The following ANO5 variants were observed in gnomAD, a reference collection of about 807,000 sequenced individuals.
The protein encoded by ANO5 is anoctamin 5, also known as anoctamin-5.
ANO5 carries 109 observed loss-of-function variants against 121.0 expected under a neutral mutation model. The ratio of observed to expected loss-of-function variants is 0.90; its 90% confidence interval spans 0.77 to 1.06. ANO5 has a LOEUF of 1.06. Among genes scored for constraint, ANO5 ranks in the 50% least tolerant of loss-of-function variants. The pLI is 0.00. For missense variants in ANO5, 1,064 were observed against 1,078.5 expected, an observed-to-expected ratio of 0.99 and a Z score of 0.19; for synonymous variants, 406 against 359.9, an observed-to-expected ratio of 1.13 and a Z score of -1.45.
chr11:22,262,128 GAAA>G lies in ANO5; in HGVS notation c.1631_1633del (p.Glu544_Ile545delinsVal). ...CTAAACATTTTTTTTTAACTTAACA[GAAA>G]TTCCTCGAACATACCAGGAGTATGA... On this transcript the variant is annotated inframe_deletion and splice_region_variant, in exon 16 of 22. Transcript: ENST00000324559. 6.2e-7 allele frequency: 1 copy of G among 1,613,290 alleles called. No individual in the cohort carries two copies. Among genetic ancestry groups the G allele is most frequent in the South Asian group, 1.1e-5 (1 of 90,970 alleles).
rs188946962 is a variant in ANO5, at chr11:22,233,404, A to G, written c.649-2759A>G. ...ATTTTCTGGAAAAACAGAATTTAAA[A>G]AATATATATAAATTTTATTTATCAC... is the stretch of plus-strand genomic sequence containing the variant. On this transcript the variant is annotated intron_variant, in intron 7 of 21. Coordinates refer to ENST00000324559, the MANE Select transcript of ANO5 (RefSeq NM_213599.3). Among the ~76,000 whole-genome samples, 570 of 152,066 alleles carry G rather than the reference A, an allele frequency of 3.7e-3. 12 individuals carry two copies. Among genetic ancestry groups the G allele is most frequent in the East Asian group, 9.7e-4 (5 of 5,166 alleles).
At chr11:22,259,377 G>C in intron 14 of ANO5, 142 bp from the exon 15 acceptor site, 1 of 841,874 alleles carries the variant, frequency 1.2e-6, no homozygotes, top group Non-Finnish European at 2.0e-6. Context: ...TCTAGGGAAA[G>C]AGAGACTGAC....
chr11:22,235,687 G>T (rs1853190782), intron 7 of ANO5, among the ~76,000 whole-genome samples: 1 of 152,146 alleles, frequency 6.6e-6, no homozygotes, highest in East Asian at 1.9e-4. Flanking sequence ...GTTGCAAAGT[G>T]GCTGTAGAGA....
At chr11:22,253,182 GAA>G (rs1564937879) in intron 12 of ANO5, among the ~76,000 whole-genome samples, 2 of 152,106 alleles carry the variant, frequency 1.3e-5, no homozygotes, top group Non-Finnish European at 2.9e-5. Context: ...TTAATTTCCT[GAA>G]ATCCTTTTCA....
In ANO5 at chr11:22,257,879, T is replaced by C. The variant is rs116670964; in HGVS notation, c.1407+125T>C. The C allele has an allele frequency of 1.7e-3, 1,324 of 783,336 alleles. 7 individuals are homozygous for C. The African/African-American group carries it at 0.018, about 10-fold the overall frequency. 48.5% of individuals were successfully genotyped at this position (783,336 alleles called of 1,614,324 possible). The stretch of plus-strand genomic sequence containing the variant: ...CCTCTCCCTCCCTGGTCTTTTTATC[T>C]TGGTTATAGCTCTTATACAAAATAA... On this transcript the variant is annotated intron_variant, in intron 14 of 21. Coordinates refer to ENST00000324559, the MANE Select transcript of ANO5 (RefSeq NM_213599.3).
chr11:22,202,514 A>G (rs1851995904), intron 1 of ANO5, among the ~76,000 whole-genome samples: 1 of 152,124 alleles, frequency 6.6e-6, no homozygotes, highest in Admixed American at 6.6e-5. Flanking sequence ...ACTTATAAGA[A>G]CAAGCATTTA....
intron 12 of ANO5, among the ~76,000 whole-genome samples, chr11:22,252,062 A>AAAAAAAAAAAATG (rs1853843252): frequency 7.8e-6 from 1 of 127,886 alleles, no homozygotes; most frequent in African/African-American, 3.0e-5. Context: ...AAAAAAAACT[A>AAAAAAAAAAAATG]GGCAAGGGCT....
At chr11:22,249,095 C>T (rs1853715105) in intron 9 of ANO5, among the ~76,000 whole-genome samples, 1 of 151,794 alleles carries the variant, frequency 6.6e-6, no homozygotes, top group Non-Finnish European at 1.5e-5. Context: ...TTATAGTGAT[C>T]TGGAAAACCA....
intron 18 of ANO5, among the ~76,000 whole-genome samples, chr11:22,270,672 T>C (rs1854578601): frequency 6.6e-6 from 1 of 152,182 alleles, no homozygotes; most frequent in African/African-American, 2.4e-5. Flanking sequence ...AGAGACATAA[T>C]TCCTGTTAAT....
chr11:22,232,918 T>G (rs1158622226), intron 7 of ANO5, among the ~76,000 whole-genome samples: 3 of 152,004 alleles, frequency 2.0e-5, no homozygotes, highest in Non-Finnish European at 4.4e-5. Context: ...CAGGGACAGT[T>G]AAAGGAATCA....
In ANO5 at chr11:22,203,793, A is replaced by G. The variant is rs1488393866; in HGVS notation, c.41-11A>G. On this transcript the variant is annotated splice_polypyrimidine_tract_variant and intron_variant, in intron 1 of 21. Transcript: ENST00000324559. ...AATTTAACATGTTTTTCTCTTTCTTATTTAATTTAGGGGAAAAAGTCAATA... is the reference window on the plus strand; with the variant it reads ...AATTTAACATGTTTTTCTCTTTCTTGTTTAATTTAGGGGAAAAAGTCAATA... The G allele has an allele frequency of 6.9e-7, 1 of 1,448,464 alleles. No homozygotes were observed. Among genetic ancestry groups the G allele is most frequent in the Non-Finnish European group, 9.6e-7 (1 of 1,036,804 alleles). 89.7% of individuals were successfully genotyped at this position (1,448,464 alleles called of 1,614,324 possible).
chr11:22,219,364 A>C (rs1302604430), intron 4 of ANO5, among the ~76,000 whole-genome samples: 1 of 152,044 alleles, frequency 6.6e-6, no homozygotes, highest in Admixed American at 6.6e-5. Context: ...TACTCTGAAT[A>C]TGAGTTTTGT....
Position 22,226,040 on chromosome 11 carries a change from A to G in ANO5, c.351A>G (p.Ile117Met). 1 of 1,606,246 alleles carries G rather than the reference A, an allele frequency of 6.2e-7. No homozygotes were observed. Among genetic ancestry groups the G allele is most frequent in the South Asian group, 1.1e-5 (1 of 90,892 alleles). ...GAAAAACAGGTCTTGAGTTGGAAAT[A>G]GAAGACAAAAGGGTAAATGTAGTTG... is the stretch of plus-strand genomic sequence containing the variant. The part of the protein sequence containing the change: ...NLRKTGLELE[I>M]EDKRDSEDGR... Residue 117 changes from isoleucine to methionine, a missense_variant, in exon 6 of 22, where the codon ATA becomes ATG. Ile to Met is a conservative substitution (Grantham distance 10, BLOSUM62 1). Coordinates refer to ENST00000324559, the MANE Select transcript of ANO5 (RefSeq NM_213599.3).
chr11:22,261,118 T>C (rs772385586), intron 15 of ANO5: 5 of 152,232 alleles, frequency 3.3e-5, no homozygotes, highest in African/African-American at 1.2e-4. Flanking sequence ...GCATGGCAGA[T>C]AGTGTTTGGA....
chr11:22,225,673 G>A (rs1852800100), intron 5 of ANO5, among the ~76,000 whole-genome samples: 1 of 152,010 alleles, frequency 6.6e-6, no homozygotes, highest in Non-Finnish European at 1.5e-5. Context: ...TTTCAACTTG[G>A]AGCATATGTC....
At chr11:22,278,170 A>C (rs1057488609) in intron 21 of ANO5, 1 of 151,680 alleles carries the variant, frequency 6.6e-6, no homozygotes, top group Non-Finnish European at 1.5e-5. Flanking sequence ...TCTATTTTTA[A>C]AATCAATACG....
At chr11:22,265,613 T>C (rs1482210705) in intron 17 of ANO5, among the ~76,000 whole-genome samples, 1 of 152,104 alleles carries the variant, frequency 6.6e-6, no homozygotes, top group Admixed American at 6.5e-5. Flanking sequence ...ATTAAAGAAA[T>C]TGTAAAACTA....
chr11:22,227,413 C>A lies in ANO5; in HGVS notation c.475C>A (p.Pro159Thr), dbSNP rs866752563. The A allele has an allele frequency of 5.6e-6, 9 of 1,613,346 alleles. No homozygotes were observed. Among genetic ancestry groups the A allele is most frequent in the Admixed American group, 3.3e-5 (2 of 59,840 alleles). Reference sequence around the variant, plus strand: ...AATGCCTATTAAGGAGAGTGATATTCCCCGCCCTAAGCACACTCCTATAAG... The same window carrying A: ...AATGCCTATTAAGGAGAGTGATATTACCCGCCCTAAGCACACTCCTATAAG... Reference protein sequence around the residue: ...IKMPIKESDIPRPKHTPISYV... With the variant: ...IKMPIKESDITRPKHTPISYV... The change falls in exon 7 of 22, where the codon CCC (proline) becomes ACC (threonine). Residue 159 changes from proline to threonine, a missense_variant. Pro to Thr is a conservative substitution (Grantham distance 38, BLOSUM62 -1). Transcript: ENST00000324559.
At chr11:22,209,195 A>T (rs542238826) in intron 2 of ANO5, among the ~76,000 whole-genome samples, 1 of 152,060 alleles carries the variant, frequency 6.6e-6, no homozygotes, top group Admixed American at 6.6e-5. Context: ...TTTACCTCTG[A>T]TTTACAATTA....
Sources: allele counts gnomAD v4.1 joint callset (sites outside exome capture counted in the v4.1 genomes callset), GRCh38; gene constraint gnomAD v4.1.1; transcripts MANE v1.5; gene names NCBI Gene and HGNC (gene_info 2026-07-23, HGNC 2026-07-21).